Variants in FAM120B observed in about 807,000 individuals in gnomAD.
The protein encoded by FAM120B is constitutive coactivator of peroxisome proliferator-activated receptor gamma.
Under a neutral mutation model 96.3 loss-of-function variants are expected in FAM120B, and 83 were observed. The observed-to-expected ratio is 0.86, with a 90% CI of 0.72 to 1.03. The LOEUF (loss-of-function observed/expected upper bound fraction) is 1.03. FAM120B is among the 50% of genes least tolerant of loss of function. FAM120B has a pLI of 0.00. For synonymous variants in FAM120B, 407 were observed against 402.7 expected (o/e 1.01, Z -0.13); for missense variants, 1,027 against 1,121.2 (o/e 0.92, Z 1.20).
chr6:170,303,434 G>A (rs535106602), upstream of FAM120B, among the ~76,000 whole-genome samples: 3 of 152,228 alleles, frequency 2.0e-5, no homozygotes, highest in African/African-American at 7.2e-5. Flanking sequence ...TAGAGATGAG[G>A]TCTCACTATG....
At chr6:170,359,347 C>T (rs1294829054) in intron 6 of FAM120B, among the ~76,000 whole-genome samples, 5 of 150,682 alleles carry the variant, frequency 3.3e-5, no homozygotes, top group East Asian at 1.9e-4. Context: ...GAGCTGAGAT[C>T]GTGCCATTGC....
chr6:170,314,471 A>T (rs1784775122), intron 1 of FAM120B, among the ~76,000 whole-genome samples: 1 of 152,224 alleles, frequency 6.6e-6, no homozygotes. Context: ...GTCCCAGGCC[A>T]TATTTGGGGC....
intron 1 of FAM120B, among the ~76,000 whole-genome samples, chr6:170,315,528 C>G (rs1485495261): frequency 2.0e-5 from 3 of 152,130 alleles, no homozygotes; most frequent in African/African-American, 7.2e-5. Flanking sequence ...TTCAAAAACT[C>G]AAATACCTTG....
chr6:170,318,522 C>G lies in FAM120B; in HGVS notation c.1132C>G (p.Pro378Ala), dbSNP rs1050117721. The change falls in exon 2 of 11, where the codon CCC becomes GCC. Residue 378 changes from proline (P) to alanine (A), a missense_variant. By Grantham distance (27) the Pro-to-Ala change is conservative. Coordinates refer to ENST00000476287, the MANE Select transcript of FAM120B (RefSeq NM_032448.3). ...YTDSEPRQEV[P>A]MCSDPEPRQE... The stretch of plus-strand genomic sequence containing the variant: ...AGATTCTGAACCCAGGCAAGAAGTT[C>G]CCATGTGTTCAGACCCTGAACCCAG... 1.3e-6 allele frequency: 2 copies of G among 1,578,886 alleles called. No homozygotes were observed. Among genetic ancestry groups the G allele is most frequent in the Non-Finnish European group, 1.7e-6 (2 of 1,160,386 alleles).
At chr6:170,295,295 C>A, upstream of FAM120B, 1 of 660,184 alleles carries the variant, frequency 1.5e-6, no homozygotes, top group Non-Finnish European at 2.8e-6. This position sits in a 1 kb window ranked among gnomAD's most constrained non-coding sequence, Gnocchi z 7.8. Flanking sequence ...CCACGCCCAC[C>A]CAAGTGGGTG....
intron 4 of FAM120B, among the ~76,000 whole-genome samples, chr6:170,338,566 G>A (rs1021137202): frequency 6.6e-6 from 1 of 152,152 alleles, no homozygotes; most frequent in African/African-American, 2.4e-5. Flanking sequence ...CCAGAGTTGA[G>A]TTCAGAATAT....
intron 6 of FAM120B, 86 bp from the exon 7 acceptor site, chr6:170,388,201 G>A (rs1172111253): frequency 4.4e-6 from 5 of 1,143,220 alleles, no homozygotes; most frequent in African/African-American, 3.1e-5. Flanking sequence ...TCCGTTCTGA[G>A]CAGAGTAACT....
At position 170,361,198 on chromosome 6, in the gene FAM120B, GTATATA is replaced by G. The variant is rs71010657; in HGVS notation, c.2283+2913_2283+2918del. On this transcript the variant is annotated intron_variant, in intron 6 of 10. Transcript: ENST00000476287. ...GCCTTAAAACTATATATATATACGT[GTATATA>G]TATATATATATATATATATATATAT... Among the ~76,000 whole-genome samples the G allele has an allele frequency of 2.7e-3, 176 of 66,016 alleles. 3 individuals are homozygous for G. Among genetic ancestry groups the G allele is most frequent in the Admixed American group, 4.9e-3 (24 of 4,940 alleles). The allele number at this position is 66,016 out of a possible 152,430, so 43.3% of individuals were successfully genotyped here.
At chr6:170,304,141 T>A (rs1246575172), upstream of FAM120B, among the ~76,000 whole-genome samples, 1 of 152,250 alleles carries the variant, frequency 6.6e-6, no homozygotes, top group Non-Finnish European at 1.5e-5. Flanking sequence ...AGTAGCTTTC[T>A]GAGATAAGGA....
chr6:170,351,603 A>G (rs1252531129), intron 5 of FAM120B, among the ~76,000 whole-genome samples: 1 of 152,250 alleles, frequency 6.6e-6, no homozygotes, highest in Admixed American at 6.5e-5. Flanking sequence ...ACCTCTCAGC[A>G]GAAACCCTAC....
intron 7 of FAM120B, among the ~76,000 whole-genome samples, chr6:170,389,102 G>GA (rs1439736960): frequency 1.3e-5 from 2 of 152,170 alleles, no homozygotes; most frequent in African/African-American, 4.8e-5. Flanking sequence ...AGGCGTGGCA[G>GA]AGGCAGAAGA....
At chr6:170,360,030 A>G (rs1225148768) in intron 6 of FAM120B, among the ~76,000 whole-genome samples, 2 of 152,070 alleles carry the variant, frequency 1.3e-5, no homozygotes, top group African/African-American at 4.8e-5. Context: ...AGCCATTTCC[A>G]TTATAGTCTG....
intron 6 of FAM120B, among the ~76,000 whole-genome samples, chr6:170,361,198 G>GTA (rs71010657): frequency 0.058 from 3,802 of 65,574 alleles, 226 homozygotes; most frequent in Non-Finnish European, 0.072. Flanking sequence ...ATATATACGT[G>GTA]TATATATATA....
chr6:170,369,406 G>C (rs6456202), intron 6 of FAM120B, among the ~76,000 whole-genome samples: 87,360 of 152,100 alleles, frequency 0.57, 26,867 homozygotes, highest in Non-Finnish European at 0.68. Context: ...TTTGCCCATA[G>C]TCCTCATAAT....
chr6:170,358,384 C>T (rs1788112680), intron 6 of FAM120B, 66 bp downstream of exon 6: 1 of 1,130,112 alleles, frequency 8.8e-7, no homozygotes. Flanking sequence ...CTTCTCTTTC[C>T]CATTATAGTT....
chr6:170,323,553 T>A (rs557764998), intron 3 of FAM120B, among the ~76,000 whole-genome samples: 2 of 152,334 alleles, frequency 1.3e-5, no homozygotes, highest in Admixed American at 6.5e-5. Flanking sequence ...TTTGCTTTTT[T>A]AAAAAATGTG....
In FAM120B at chr6:170,391,137, G is replaced by T; in HGVS notation, c.2599+16G>T. 2 of 1,586,000 alleles carry T rather than the reference G, an allele frequency of 1.3e-6. No individual in the cohort carries two copies. Among genetic ancestry groups the T allele is most frequent in the Non-Finnish European group, 1.7e-6 (2 of 1,154,942 alleles). ...CACCACGCAGGTGGGAAAGGGCCAG[G>T]TGCCTCTAGAAGCCCCACAAGCGTA... On this transcript the variant is annotated intron_variant, in intron 8 of 10. Transcript: ENST00000476287.
Position 170,349,265 on chromosome 6 carries a change from C to T in FAM120B, c.2190+942C>T, listed in dbSNP as rs542062242. The stretch of plus-strand genomic sequence containing the variant: ...AGCTTTCTTCACTCCTTCAAGCCAT[C>T]GTCTCAGCTTCTCTGACCTCCCTAT... On this transcript the variant is annotated intron_variant, in intron 5 of 10. Transcript: ENST00000476287. Among the ~76,000 whole-genome samples, 21 of 152,284 alleles carry T rather than the reference C, an allele frequency of 1.4e-4. No homozygotes were observed. In the South Asian group the frequency reaches 3.7e-3, roughly 27 times the overall value.
At chr6:170,398,385 G>A (rs1193693845) in intron 9 of FAM120B, among the ~76,000 whole-genome samples, 18 of 152,008 alleles carry the variant, frequency 1.2e-4, no homozygotes, top group African/African-American at 4.1e-4. Flanking sequence ...ATAACTCTTA[G>A]GAGTGAGTGG....
Sources: allele counts gnomAD v4.1 joint callset (sites outside exome capture counted in the v4.1 genomes callset), GRCh38; gene constraint gnomAD v4.1.1; non-coding constraint Gnocchi (gnomAD v3.1); transcripts MANE v1.5; gene names NCBI Gene and HGNC (gene_info 2026-07-23, HGNC 2026-07-21).